Variants in CFAP43 observed in about 807,000 individuals in gnomAD.
The protein encoded by CFAP43 is cilia- and flagella-associated protein 43.
Under a neutral mutation model 218.9 loss-of-function variants are expected in CFAP43, and 155 were observed. That is an observed-to-expected ratio of 0.71 (90% CI 0.62 to 0.81). The LOEUF (loss-of-function observed/expected upper bound fraction) is 0.81. CFAP43 is among the 30% of genes least tolerant of loss of function. The pLI, the probability that CFAP43 is intolerant of heterozygous loss-of-function variation, is 0.00. For synonymous variants in CFAP43, 645 were observed against 681.3 expected (o/e 0.95, Z 0.83); for missense variants, 1,778 against 1,954.3 (o/e 0.91, Z 1.70).
At position 104,132,216 on chromosome 10, in the gene CFAP43, C is replaced by A; in HGVS notation, c.4597-20G>T. ...TAGGTACTTTGAGATTAAAAAAAAA[C>A]ATGTAAGGATATTTTTCTCTCTTTC... On this transcript the variant is annotated intron_variant, in intron 35 of 37. Coordinates refer to ENST00000357060, the MANE Select transcript of CFAP43 (RefSeq NM_025145.7). 1 of 1,497,476 alleles carries A rather than the reference C, an allele frequency of 6.7e-7. No individual in the cohort carries two copies. The allele number at this position is 1,497,476 out of a possible 1,614,324, so 92.8% of individuals were successfully genotyped here. A position where few individuals can be genotyped will look rare whatever the true frequency, so the allele number is the denominator to read the frequency against.
intron 29 of CFAP43, among the ~76,000 whole-genome samples, chr10:104,146,966 C>T (rs1490876115): frequency 6.6e-6 from 1 of 152,102 alleles, no homozygotes; most frequent in East Asian, 1.9e-4. Flanking sequence ...GCATCTGAAG[C>T]CCTCTCTTCT....
intron 28 of CFAP43, among the ~76,000 whole-genome samples, chr10:104,149,035 CTTTCA>C (rs2088118829): frequency 6.6e-6 from 1 of 151,828 alleles, no homozygotes; most frequent in African/African-American, 2.4e-5. Context: ...TTCACGTTCC[CTTTCA>C]TTTCTTTTCC....
Position 104,188,267 on chromosome 10 carries a change from T to C in CFAP43, c.1687+3A>G. 1.2e-6 allele frequency: 2 copies of C among 1,613,440 alleles called. No individual in the cohort carries two copies. Among genetic ancestry groups the C allele is most frequent in the Non-Finnish European group, 1.7e-6 (2 of 1,179,700 alleles). ...CAGAACTGGCTGCTTATGTTTTCCTTACCTTGTGGCAGTAATGTAGGCAGT... is the reference window on the plus strand; with the variant it reads ...CAGAACTGGCTGCTTATGTTTTCCTCACCTTGTGGCAGTAATGTAGGCAGT... On this transcript the variant is annotated splice_donor_region_variant and intron_variant, in intron 13 of 37. Coordinates refer to ENST00000357060, the MANE Select transcript of CFAP43 (RefSeq NM_025145.7).
chr10:104,223,660 T>C (rs1329348737), intron 3 of CFAP43, among the ~76,000 whole-genome samples: 1 of 148,644 alleles, frequency 6.7e-6, no homozygotes, highest in Non-Finnish European at 1.5e-5. Context: ...GCACTTGTCA[T>C]CTCTTCCCAG....
In CFAP43 at chr10:104,163,315, C is replaced by T. The variant is rs548931660; in HGVS notation, c.3246+779G>A. On this transcript the variant is annotated intron_variant, in intron 24 of 37. Transcript: ENST00000357060. ...AATTCATTTCAATCCATCTAGGGCA[C>T]CACGAATGGTGCCCAGCCAATATCC... 9.9e-5 allele frequency among the ~76,000 whole-genome samples: 15 copies of T among 152,284 alleles called. No individual in the cohort carries two copies. The South Asian group carries it at 2.5e-3, about 25-fold the overall frequency.
At chr10:104,215,746 T>C (rs573469985) in intron 3 of CFAP43, among the ~76,000 whole-genome samples, 1 of 152,010 alleles carries the variant, frequency 6.6e-6, no homozygotes, top group Admixed American at 6.6e-5. Flanking sequence ...TCTACTCCCT[T>C]CTCAATCTCA....
intron 28 of CFAP43, among the ~76,000 whole-genome samples, chr10:104,150,386 T>C (rs1382105974): frequency 6.6e-6 from 1 of 152,188 alleles, no homozygotes; most frequent in African/African-American, 2.4e-5. Flanking sequence ...TCTTGCTGGT[T>C]CTGGGAACAG....
intron 10 of CFAP43, 72 bp downstream of exon 10, chr10:104,196,781 A>G (rs2090392729): frequency 5.5e-6 from 7 of 1,270,894 alleles, no homozygotes; most frequent in Non-Finnish European, 7.8e-6. Context: ...GACTATTGAC[A>G]TGTGAATATG....
chr10:104,169,906 T>A (rs1041691411), intron 20 of CFAP43, among the ~76,000 whole-genome samples: 35 of 152,152 alleles, frequency 2.3e-4, no homozygotes, highest in African/African-American at 8.2e-4. Flanking sequence ...GGCTGTTTGA[T>A]CAACTCCTCC....
intron 37 of CFAP43, among the ~76,000 whole-genome samples, chr10:104,131,018 A>G (rs927985676): frequency 2.7e-5 from 4 of 150,718 alleles, no homozygotes; most frequent in East Asian, 3.9e-4. Context: ...AAAAAAAAAA[A>G]AAAGAAAAGA....
intron 10 of CFAP43, 39 bp from the exon 11 acceptor site, chr10:104,194,053 C>T: frequency 1.2e-6 from 2 of 1,604,520 alleles, no homozygotes; most frequent in African/African-American, 1.3e-5. Context: ...CTCTATTGTG[C>T]CTGCTCTCCT....
chr10:104,193,768 A>C (rs1371520724), intron 11 of CFAP43, 98 bp downstream of exon 11: 1 of 1,424,654 alleles, frequency 7.0e-7, no homozygotes, highest in Non-Finnish European at 9.4e-7. Flanking sequence ...AACAAATGAA[A>C]CACGTAAAAC....
At chr10:104,223,365 C>T (rs866041693) in intron 3 of CFAP43, among the ~76,000 whole-genome samples, 1 of 152,044 alleles carries the variant, frequency 6.6e-6, no homozygotes, top group Admixed American at 6.5e-5. Flanking sequence ...CTTAAATAAA[C>T]ATAATGTAAT....
At chr10:104,161,004 T>G (rs375752402) in intron 27 of CFAP43, 33 bp downstream of exon 27, 2 of 1,570,344 alleles carry the variant, frequency 1.3e-6, no homozygotes, top group African/African-American at 2.7e-5. Flanking sequence ...ACTCTGGATA[T>G]GGTAGGTTAT....
In CFAP43 at chr10:104,133,758, G is replaced by C; in HGVS notation, c.4458C>G (p.Ser1486Arg). 2 of 1,610,374 alleles carry C rather than the reference G, an allele frequency of 1.2e-6. No individual in the cohort carries two copies. The highest frequency in any genetic ancestry group is 3.3e-4 in the Middle Eastern group (2 of 6,042). The change falls in exon 35 of 38, where the codon AGC (serine) becomes AGG (arginine). Residue 1486 changes from serine to arginine, a missense_variant. Around this residue, in one of 3 missense-constraint regions of CFAP43, gnomAD observed 211 missense variants for 230.6 expected, o/e 0.91. Transcript: ENST00000357060. ...TGTGTACATCTTTACTTTCCATCAT[G>C]CTAGCAACTTTCTTTTGTCCTTGAG... is the stretch of plus-strand genomic sequence containing the variant. ...IRTQGQKKVASMMESKDVHKR... is the reference protein window; with the variant it reads ...IRTQGQKKVARMMESKDVHKR...
At chr10:104,229,546 C>T (rs964021855) in intron 2 of CFAP43, among the ~76,000 whole-genome samples, 2 of 150,922 alleles carry the variant, frequency 1.3e-5, no homozygotes, top group African/African-American at 2.4e-5. Flanking sequence ...CACCTGTAAT[C>T]CCAGCTACCT....
At chr10:104,178,851 C>T (rs369144922) in intron 19 of CFAP43, among the ~76,000 whole-genome samples, 178 bp downstream of exon 19, 10 of 151,968 alleles carry the variant, frequency 6.6e-5, no homozygotes, top group African/African-American at 1.2e-4. Context: ...TGGGGAAAAC[C>T]GCTGTTGATA....
chr10:104,192,624 T>A, intron 11 of CFAP43: 1 of 270,976 alleles, frequency 3.7e-6, no homozygotes, highest in Non-Finnish European at 6.9e-6. Flanking sequence ...AAATAAGCAA[T>A]TCTCAAATTA....
chr10:104,227,501 A>C (rs138016372), intron 2 of CFAP43, among the ~76,000 whole-genome samples: 2 of 152,230 alleles, frequency 1.3e-5, no homozygotes, highest in Non-Finnish European at 2.9e-5. Flanking sequence ...GGTTTAAATC[A>C]CACTTTTTAA....
Sources: allele counts gnomAD v4.1 joint callset (sites outside exome capture counted in the v4.1 genomes callset), GRCh38; gene constraint gnomAD v4.1.1; regional missense constraint gnomAD v4.1.1; transcripts MANE v1.5; gene names NCBI Gene and HGNC (gene_info 2026-07-23, HGNC 2026-07-21).